PRKAG2: variants seen among roughly 807,000 people sequenced by gnomAD.
The protein encoded by PRKAG2 is protein kinase AMP-activated non-catalytic subunit gamma 2.
PRKAG2 carries 26 observed loss-of-function variants against 69.6 expected under a neutral mutation model. That is an observed-to-expected ratio of 0.37 (90% CI 0.27 to 0.52). The LOEUF is 0.52. Among genes scored for constraint, PRKAG2 ranks in the 20% least tolerant of loss-of-function variants. The probability of loss-of-function intolerance (pLI) is 0.90; values close to 1 mark genes in which losing one functional copy is unlikely to be tolerated. For missense variants in PRKAG2, 557 were observed against 740.0 expected (o/e 0.75, Z 2.87); for synonymous variants, 293 against 285.0 (o/e 1.03, Z -0.28).
At chr7:151,611,330 C>T (rs371606851) in intron 5 of PRKAG2, among the ~76,000 whole-genome samples, 50 of 152,166 alleles carry the variant, frequency 3.3e-4, no homozygotes, top group African/African-American at 1.2e-3. Flanking sequence ...GAACCACCTT[C>T]GTTTACTAAG....
At chr7:151,870,269 C>T (rs1347349247) in intron 1 of PRKAG2, among the ~76,000 whole-genome samples, 1 of 151,888 alleles carries the variant, frequency 6.6e-6, no homozygotes, top group African/African-American at 2.4e-5. Flanking sequence ...TTAATAGTAC[C>T]CAGTTGTTTT....
chr7:151,635,493 A>C (rs751509425), intron 4 of PRKAG2, among the ~76,000 whole-genome samples: 1 of 152,190 alleles, frequency 6.6e-6, no homozygotes, highest in Non-Finnish European at 1.5e-5. Flanking sequence ...ATACCGTAAA[A>C]TACTACTCAG....
intron 5 of PRKAG2, among the ~76,000 whole-genome samples, chr7:151,613,190 T>A (rs1436802981): frequency 6.6e-6 from 1 of 152,172 alleles, no homozygotes; most frequent in Non-Finnish European, 1.5e-5. Context: ...ACGCCTGAAA[T>A]AACTTAAACT....
intron 3 of PRKAG2, among the ~76,000 whole-genome samples, chr7:151,678,467 G>A (rs1456462610): frequency 6.6e-6 from 1 of 152,188 alleles, no homozygotes; most frequent in Non-Finnish European, 1.5e-5. Flanking sequence ...GTGTCCGGGG[G>A]AGGTTTAGGA....
chr7:151,645,113 A>T (rs912325874), intron 4 of PRKAG2, among the ~76,000 whole-genome samples: 1 of 152,164 alleles, frequency 6.6e-6, no homozygotes, highest in Non-Finnish European at 1.5e-5. Context: ...GTACTTGTGT[A>T]TCCCTCTTCT....
At chr7:151,701,832 G>C (rs189344747) in intron 3 of PRKAG2, among the ~76,000 whole-genome samples, 2 of 126,228 alleles carry the variant, frequency 1.6e-5, no homozygotes, top group East Asian at 4.0e-4. Flanking sequence ...GACAGAGCGA[G>C]ACTCTGTCTC....
chr7:151,783,294 G>A (rs550771214), intron 2 of PRKAG2, among the ~76,000 whole-genome samples: 18 of 152,340 alleles, frequency 1.2e-4, no homozygotes, highest in African/African-American at 4.3e-4. Flanking sequence ...GGTGCTATAG[G>A]ACCTTGTAAC....
At chr7:151,821,715 C>G (rs2078786433) in intron 1 of PRKAG2, among the ~76,000 whole-genome samples, 1 of 152,188 alleles carries the variant, frequency 6.6e-6, no homozygotes. Context: ...AAAAATGCCT[C>G]TACTCACCCT....
chr7:151,608,938 C>T (rs1398073641), intron 5 of PRKAG2, among the ~76,000 whole-genome samples: 50 of 151,794 alleles, frequency 3.3e-4, no homozygotes, highest in Admixed American at 3.3e-3. Context: ...TGTTGCCCAG[C>T]CTGGCCTCAA....
At chr7:151,652,499 T>C (rs1401577701) in intron 4 of PRKAG2, among the ~76,000 whole-genome samples, 1 of 152,246 alleles carries the variant, frequency 6.6e-6, no homozygotes, top group Non-Finnish European at 1.5e-5. Context: ...TTTTAATTTA[T>C]AATATGGTAA....
At chr7:151,746,495 A>G (rs1213459296) in intron 3 of PRKAG2, among the ~76,000 whole-genome samples, 1 of 152,242 alleles carries the variant, frequency 6.6e-6, no homozygotes, top group Non-Finnish European at 1.5e-5. Flanking sequence ...ACCATTTTAC[A>G]GGGTTTCAAG....
intron 3 of PRKAG2, among the ~76,000 whole-genome samples, chr7:151,702,159 G>A (rs1294574744): frequency 6.6e-6 from 1 of 152,234 alleles, no homozygotes; most frequent in African/African-American, 2.4e-5. Context: ...CCTGTGCGGG[G>A]AGTTCGATTG....
At chr7:151,690,211 C>T (rs984276769) in intron 3 of PRKAG2, among the ~76,000 whole-genome samples, 2 of 152,188 alleles carry the variant, frequency 1.3e-5, no homozygotes, top group African/African-American at 2.4e-5. Flanking sequence ...CCACTCATCC[C>T]GAGGGAGGTG....
intron 13 of PRKAG2, chr7:151,564,461 C>T (rs1451756724): frequency 6.0e-6 from 3 of 497,718 alleles, no homozygotes; most frequent in Non-Finnish European, 1.1e-5. Flanking sequence ...CCTTACGAAG[C>T]AACATTGTTA....
In PRKAG2 at chr7:151,729,576, C is replaced by T. The variant is rs147124065; in HGVS notation, c.466+51576G>A. ...TTAGCCCATCGGTGCTCAAGACCCC[C>T]GAGGGCCTTCATCTCAAGCAGGTGT... On this transcript the variant is annotated intron_variant, in intron 3 of 15. Coordinates refer to ENST00000287878, the MANE Select transcript of PRKAG2 (RefSeq NM_016203.4). Among the ~76,000 whole-genome samples, 912 of 152,236 alleles carry T rather than the reference C, an allele frequency of 6.0e-3. 10 individuals carry two copies. Among genetic ancestry groups the T allele is most frequent in the African/African-American group, 0.021 (869 of 41,546 alleles).
chr7:151,687,523 G>A (rs1834911157), intron 3 of PRKAG2, among the ~76,000 whole-genome samples: 1 of 152,236 alleles, frequency 6.6e-6, no homozygotes, highest in Non-Finnish European at 1.5e-5. Context: ...GGCATTGTTT[G>A]GTGCTGTGGA....
intron 3 of PRKAG2, among the ~76,000 whole-genome samples, chr7:151,750,377 A>T (rs772167934): frequency 1.1e-4 from 16 of 152,330 alleles, no homozygotes; most frequent in Non-Finnish European, 2.2e-4. Context: ...TGACTGAGTA[A>T]GCAGAATGGA....
intron 1 of PRKAG2, among the ~76,000 whole-genome samples, chr7:151,844,535 CAA>C (rs1440434014): frequency 1.3e-5 from 2 of 152,138 alleles, no homozygotes; most frequent in African/African-American, 2.4e-5. Flanking sequence ...GAGCGAATCA[CAA>C]AGTTATTTTA....
intron 1 of PRKAG2, among the ~76,000 whole-genome samples, chr7:151,792,907 G>A (rs1169813910): frequency 6.6e-6 from 1 of 152,200 alleles, no homozygotes; most frequent in Non-Finnish European, 1.5e-5. Flanking sequence ...GTGTCCCTCA[G>A]GCCCACAAGA....
Sources: allele counts gnomAD v4.1 joint callset (sites outside exome capture counted in the v4.1 genomes callset), GRCh38; gene constraint gnomAD v4.1.1; transcripts MANE v1.5; gene names NCBI Gene and HGNC (gene_info 2026-07-23, HGNC 2026-07-21).